Variants in NOX3 observed in about 807,000 individuals in gnomAD.
NOX3 encodes the protein NADPH oxidase 3.
In NOX3, 74 loss-of-function variants were observed where a neutral mutation model predicts 76.7. That is an observed-to-expected ratio of 0.96 (90% CI 0.80 to 1.17). The LOEUF (loss-of-function observed/expected upper bound fraction) is 1.17, where lower values mean the gene tolerates loss of function less well. Among genes scored for constraint, NOX3 ranks in the 50% most tolerant of loss-of-function variants. The pLI is 0.00. For synonymous variants in NOX3, 263 were observed against 261.1 expected, an observed-to-expected ratio of 1.01 and a Z score of -0.07; for missense variants, 695 against 703.3, an observed-to-expected ratio of 0.99 and a Z score of 0.13.
At chr6:155,402,727 T>C (rs1186946300) in intron 12 of NOX3, among the ~76,000 whole-genome samples, 1 of 152,218 alleles carries the variant, frequency 6.6e-6, no homozygotes, top group Non-Finnish European at 1.5e-5. Context: ...TTTAACTCCT[T>C]CTTAGAACAA....
At position 155,412,964 on chromosome 6, in the gene NOX3, C is replaced by T. The variant is rs1029198909; in HGVS notation, c.1309-1604G>A. On this transcript the variant is annotated intron_variant, in intron 10 of 13. Coordinates refer to ENST00000159060, the MANE Select transcript of NOX3 (RefSeq NM_015718.3). ...GAGAAGTGCATGCAGAAACCCCAGG[C>T]GGGTTAGAAGTGTTGCAATATTAAG... 4.6e-5 allele frequency among the ~76,000 whole-genome samples: 7 copies of T among 152,112 alleles called. No individual in the cohort carries two copies. In the East Asian group the frequency reaches 1.3e-3, roughly 29 times the overall value.
Position 155,436,405 on chromosome 6 carries a change from G to C in NOX3, c.798+13C>G, listed in dbSNP as rs1776903717. 2 of 1,613,682 alleles carry C rather than the reference G, an allele frequency of 1.2e-6. No homozygotes were observed. Among genetic ancestry groups the C allele is most frequent in the Non-Finnish European group, 1.7e-6 (2 of 1,179,810 alleles). ...TGACATTTATTTTTAAAAGCTCCTG[G>C]GTTCATTCTTACCGAGGGTTCCTTG... On this transcript the variant is annotated intron_variant, in intron 7 of 13. Transcript: ENST00000159060.
At chr6:155,430,167 G>T (rs1776813730) in intron 8 of NOX3, among the ~76,000 whole-genome samples, 2 of 152,184 alleles carry the variant, frequency 1.3e-5, no homozygotes, top group African/African-American at 4.8e-5. Context: ...AAAGCTGGGG[G>T]AGAGTATTTG....
intron 1 of NOX3, 53 bp downstream of exon 1, chr6:155,455,700 C>T (rs1344522316): frequency 2.1e-6 from 3 of 1,432,894 alleles, no homozygotes; most frequent in Non-Finnish European, 2.9e-6. Context: ...TCCTAAAAAT[C>T]AAAGACTATT....
At chr6:155,421,627 G>A (rs577329210) in intron 10 of NOX3, among the ~76,000 whole-genome samples, 10 of 152,214 alleles carry the variant, frequency 6.6e-5, no homozygotes, top group South Asian at 2.1e-4. Flanking sequence ...GCAGTGGTGC[G>A]ATCACGGCTC....
chr6:155,431,419 C>G (rs1239486911), intron 7 of NOX3, among the ~76,000 whole-genome samples: 1 of 149,948 alleles, frequency 6.7e-6, no homozygotes, highest in Non-Finnish European at 1.5e-5. Context: ...CAGAAACACA[C>G]ACACACACAC....
intron 8 of NOX3, among the ~76,000 whole-genome samples, chr6:155,429,961 C>A (rs1776810842): frequency 6.6e-6 from 1 of 152,210 alleles, no homozygotes; most frequent in African/African-American, 2.4e-5. Context: ...TACAGTCTAG[C>A]TTTTGATACA....
chr6:155,407,763 T>C (rs1776483260), intron 11 of NOX3, among the ~76,000 whole-genome samples: 3 of 152,154 alleles, frequency 2.0e-5, no homozygotes, highest in African/African-American at 7.2e-5. Flanking sequence ...GTGTGATGTA[T>C]ACTGTCCAGT....
intron 7 of NOX3, among the ~76,000 whole-genome samples, chr6:155,434,032 G>T (rs962642112): frequency 6.6e-6 from 1 of 152,076 alleles, no homozygotes; most frequent in African/African-American, 2.4e-5. Flanking sequence ...TTCACTCCTG[G>T]TTTTTCATTC....
In NOX3 at chr6:155,455,063, ACTC is replaced by A. The variant is rs756332679; in HGVS notation, c.112_114del (p.Glu38del). ...AAAATAACTCGTGTGTAATGGAAAG[ACTC>A]CTCCTCTTCATACCAGTAGAACGTG... On this transcript the variant is annotated inframe_deletion, in exon 2 of 14. Coordinates refer to ENST00000159060, the MANE Select transcript of NOX3 (RefSeq NM_015718.3). The A allele has an allele frequency of 2.1e-5, 34 of 1,612,884 alleles. No individual in the cohort carries two copies. In the South Asian group the frequency reaches 3.3e-4, roughly 16 times the overall value.
intron 10 of NOX3, among the ~76,000 whole-genome samples, chr6:155,416,133 C>T (rs941647379): frequency 1.3e-5 from 2 of 152,236 alleles, no homozygotes; most frequent in Non-Finnish European, 2.9e-5. Context: ...CCTTGACCAT[C>T]GCCTCCTCAA....
intron 7 of NOX3, among the ~76,000 whole-genome samples, chr6:155,434,258 C>T (rs1776872720): frequency 6.6e-6 from 1 of 152,172 alleles, no homozygotes; most frequent in South Asian, 2.1e-4. Context: ...AACAGCTTTC[C>T]CTAGTAATTA....
intron 9 of NOX3, among the ~76,000 whole-genome samples, chr6:155,424,406 G>A (rs1239226080): frequency 6.6e-6 from 1 of 152,176 alleles, no homozygotes; most frequent in Admixed American, 6.5e-5. Context: ...ATTTCAGTCA[G>A]CAGAATGTAT....
intron 7 of NOX3, among the ~76,000 whole-genome samples, 157 bp from the exon 8 acceptor site, chr6:155,431,092 T>C (rs1198224912): frequency 3.9e-5 from 6 of 152,256 alleles, no homozygotes; most frequent in Non-Finnish European, 8.8e-5. Flanking sequence ...CCTTGTATTA[T>C]ATACTATAAC....
intron 11 of NOX3, among the ~76,000 whole-genome samples, chr6:155,408,125 T>C (rs1392511268): frequency 6.6e-6 from 1 of 152,066 alleles, no homozygotes; most frequent in African/African-American, 2.4e-5. Context: ...ACTACAGGTG[T>C]GTACCACCAT....
intron 3 of NOX3, 90 bp downstream of exon 3, chr6:155,454,721 G>A (rs1283012073): frequency 1.3e-6 from 1 of 762,422 alleles, no homozygotes; most frequent in African/African-American, 1.8e-5. Flanking sequence ...GAATTACTGA[G>A]AATTTCATAA....
rs768618575 is a variant in NOX3 at position 155,443,308 on chromosome 6, C to T, written c.451G>A (p.Glu151Lys). ...ALSKLGNTPNESYLNPVRTFP... is the reference protein window; with the variant it reads ...ALSKLGNTPNKSYLNPVRTFP... The stretch of plus-strand genomic sequence containing the variant: ...GTCCGGACAGGGTTGAGGTAGCTCT[C>T]GTTAGGGGTGTTGCCCAGCTTGGAA... The change falls in exon 5 of 14, where the codon GAG becomes AAG. Residue 151 changes from glutamate to lysine, a missense_variant. Transcript: ENST00000159060. 5.0e-6 allele frequency: 8 copies of T among 1,613,950 alleles called. No homozygotes were observed. The highest frequency in any genetic ancestry group is 4.0e-5 in the African/African-American group (3 of 74,892).
At chr6:155,428,106 G>C (rs933868942) in intron 9 of NOX3, among the ~76,000 whole-genome samples, 1 of 152,036 alleles carries the variant, frequency 6.6e-6, no homozygotes. Context: ...TTGCCATGTT[G>C]GCCAGGCTGG....
At chr6:155,425,827 TC>T (rs1776748524) in intron 9 of NOX3, among the ~76,000 whole-genome samples, 2 of 152,174 alleles carry the variant, frequency 1.3e-5, no homozygotes, top group Non-Finnish European at 2.9e-5. Context: ...GGAAACTCCA[TC>T]AACTGAGAAA....
Sources: gnomAD v4.1 joint callset for allele counts (sites outside exome capture counted in the v4.1 genomes callset) on GRCh38, gnomAD v4.1.1 for gene constraint, MANE v1.5 for transcripts, NCBI Gene and HGNC (gene_info 2026-07-23, HGNC 2026-07-21) for gene names.